MTUS2: variants seen among roughly 807,000 people sequenced by gnomAD.
MTUS2 encodes the protein microtubule associated scaffold protein 2.
Under a neutral mutation model 114.1 loss-of-function variants are expected in MTUS2, and 40 were observed. The observed-to-expected ratio is 0.35, with a 90% confidence interval of 0.27 to 0.46. MTUS2 has a LOEUF of 0.46. Among genes scored for constraint, MTUS2 ranks in the 20% least tolerant of loss-of-function variants. The probability of loss-of-function intolerance (pLI) is 1.00; values close to 1 mark genes in which losing one functional copy is unlikely to be tolerated. For synonymous variants in MTUS2, 688 were observed against 672.0 expected (o/e 1.02, Z -0.37); for missense variants, 1,679 against 1,705.4 (o/e 0.98, Z 0.27).
At chr13:29,153,337 C>T (rs141795500) in intron 5 of MTUS2, among the ~76,000 whole-genome samples, 1 of 152,098 alleles carries the variant, frequency 6.6e-6, no homozygotes, top group South Asian at 2.1e-4. Context: ...AACTAACCAC[C>T]CACAAATCCA....
intron 4 of MTUS2, among the ~76,000 whole-genome samples, chr13:29,036,326 A>AGTTG (rs1161934527): frequency 6.6e-6 from 1 of 152,142 alleles, no homozygotes; most frequent in Non-Finnish European, 1.5e-5. Flanking sequence ...AAGAAGAAAC[A>AGTTG]GTTGGCACTT....
intron 2 of MTUS2, among the ~76,000 whole-genome samples, chr13:28,881,409 TG>T (rs1878281783): frequency 6.6e-6 from 1 of 152,236 alleles, no homozygotes; most frequent in African/African-American, 2.4e-5. Flanking sequence ...TCTATGATTT[TG>T]CTGTTGTGAA....
rs143149459 is a variant in MTUS2, at chr13:28,939,947, G to A, written c.-242-84510G>A. ...CGGCAGGCAAGAAAGAGCTTGTGCA[G>A]GGGAACTCTCCTTTATAAAACCATC... is the stretch of plus-strand genomic sequence containing the variant. On this transcript the variant is annotated intron_variant, in intron 2 of 15. Coordinates refer to ENST00000612955, the MANE Select transcript of MTUS2 (RefSeq NM_001033602.4). Among the ~76,000 whole-genome samples the A allele has an allele frequency of 5.7e-3, 870 of 152,248 alleles. 8 individuals carry two copies. Among genetic ancestry groups the A allele is most frequent in the African/African-American group, 0.018 (764 of 41,552 alleles).
intron 8 of MTUS2, among the ~76,000 whole-genome samples, chr13:29,366,770 G>C (rs1443126147): frequency 1.3e-5 from 2 of 152,162 alleles, no homozygotes; most frequent in Non-Finnish European, 2.9e-5. Context: ...GAGACAGGGA[G>C]AGAGATAGCC....
Position 29,240,373 on chromosome 13 carries a change from A to C in MTUS2, c.2645-41331A>C, listed in dbSNP as rs1171238423. Among the ~76,000 whole-genome samples, 3 of 152,216 alleles carry C rather than the reference A, an allele frequency of 2.0e-5. No homozygotes were observed. In the East Asian group the frequency reaches 5.8e-4, roughly 29 times the overall value. On this transcript the variant is annotated intron_variant, in intron 5 of 15. Transcript: ENST00000612955. ...CCATCTCTCCCAACTGTAAGAATTC[A>C]AGCATATAAAACCCCAGCTACCAGA...
chr13:28,931,625 C>T (rs974258374), intron 2 of MTUS2, among the ~76,000 whole-genome samples: 1 of 152,078 alleles, frequency 6.6e-6, no homozygotes, highest in African/African-American at 2.4e-5. Flanking sequence ...GAAGTTCTTC[C>T]TAGCAGTGTG....
chr13:29,210,851 G>C (rs1431492369), intron 5 of MTUS2, among the ~76,000 whole-genome samples: 1 of 144,714 alleles, frequency 6.9e-6, no homozygotes, highest in Non-Finnish European at 1.5e-5. Context: ...AATGGACTCT[G>C]AGAGAGTCCT....
chr13:29,021,582 A>T (rs960597986), intron 2 of MTUS2, among the ~76,000 whole-genome samples: 1 of 152,186 alleles, frequency 6.6e-6, no homozygotes, highest in Non-Finnish European at 1.5e-5. Flanking sequence ...TCTTGGCTGC[A>T]TATTTATACT....
At chr13:28,970,272 C>G (rs576536909) in intron 2 of MTUS2, among the ~76,000 whole-genome samples, 1 of 152,074 alleles carries the variant, frequency 6.6e-6, no homozygotes, top group Non-Finnish European at 1.5e-5. Context: ...TTTATATGTA[C>G]AAATGTAGAA....
At chr13:29,348,829 T>C (rs949896703) in intron 7 of MTUS2, among the ~76,000 whole-genome samples, 1 of 152,232 alleles carries the variant, frequency 6.6e-6, no homozygotes, top group Non-Finnish European at 1.5e-5. Context: ...AATACTTTTT[T>C]CCTTGAAATC....
intron 6 of MTUS2, among the ~76,000 whole-genome samples, chr13:29,299,771 A>G (rs748852930): frequency 6.6e-6 from 1 of 152,124 alleles, no homozygotes; most frequent in South Asian, 2.1e-4. Flanking sequence ...TAACAATTAG[A>G]TACCTTGTAA....
intron 4 of MTUS2, among the ~76,000 whole-genome samples, chr13:29,074,422 T>A (rs957636199): frequency 3.3e-5 from 5 of 152,206 alleles, no homozygotes; most frequent in Non-Finnish European, 7.3e-5. Context: ...GTGTCATTTT[T>A]CTGCACATGT....
intron 4 of MTUS2, among the ~76,000 whole-genome samples, chr13:29,089,923 A>G (rs1424266873): frequency 1.3e-5 from 2 of 152,096 alleles, no homozygotes; most frequent in Non-Finnish European, 2.9e-5. Context: ...TTTTGATTCT[A>G]TGTTGTTAAT....
chr13:29,297,646 A>G (rs1435400965), intron 6 of MTUS2, among the ~76,000 whole-genome samples: 2 of 152,220 alleles, frequency 1.3e-5, no homozygotes, highest in African/African-American at 2.4e-5. Context: ...GTTACCTTAC[A>G]TATAGTTTCC....
chr13:29,444,596 A>T (rs1281960521), intron 9 of MTUS2, among the ~76,000 whole-genome samples: 1 of 152,176 alleles, frequency 6.6e-6, no homozygotes. Flanking sequence ...CCCCCTTATT[A>T]AGTACAGTGA....
intron 7 of MTUS2, among the ~76,000 whole-genome samples, chr13:29,326,004 G>A (rs1900496410): frequency 3.3e-5 from 5 of 152,188 alleles, no homozygotes; most frequent in Admixed American, 3.3e-4. Context: ...AAAATTTATG[G>A]AAAATAGGTC....
At chr13:29,393,343 C>T (rs1310465413) in intron 8 of MTUS2, among the ~76,000 whole-genome samples, 4 of 125,392 alleles carry the variant, frequency 3.2e-5, no homozygotes, top group Admixed American at 7.8e-5. Context: ...CACATCTTGT[C>T]GCTCCCGCTC....
intron 11 of MTUS2, chr13:29,489,747 C>T (rs1052974426): frequency 1.2e-4 from 18 of 152,274 alleles, no homozygotes; most frequent in South Asian, 8.3e-4. Context: ...CCGTATTAAG[C>T]GTGAGACAGT....
chr13:29,308,393 A>G (rs1899583945), intron 6 of MTUS2, among the ~76,000 whole-genome samples: 1 of 152,232 alleles, frequency 6.6e-6, no homozygotes, highest in South Asian at 2.1e-4. Flanking sequence ...TTCACCATAT[A>G]CAATATTAAC....
Sources: gnomAD v4.1 joint callset for allele counts (sites outside exome capture counted in the v4.1 genomes callset) on GRCh38, gnomAD v4.1.1 for gene constraint, MANE v1.5 for transcripts, NCBI Gene and HGNC (gene_info 2026-07-23, HGNC 2026-07-21) for gene names.